CYSLTR2: variants seen among roughly 807,000 people sequenced by gnomAD.
CYSLTR2 encodes the protein cysteinyl leukotriene receptor 2, also known as G-protein coupled receptor GPCR21.
For synonymous variants in CYSLTR2, 179 were observed against 160.8 expected, an observed-to-expected ratio of 1.11 and a Z score of -0.86; for missense variants, 398 against 411.9, an observed-to-expected ratio of 0.97 and a Z score of 0.29.
intron 1 of CYSLTR2, among the ~76,000 whole-genome samples, chr13:48,656,422 A>G (rs1018782587): frequency 2.0e-5 from 3 of 152,160 alleles, no homozygotes; most frequent in Non-Finnish European, 2.9e-5. Context: ...TTTTTCATCA[A>G]TACTCACTCC....
chr13:48,682,731 T>C (rs1953789615), intron 1 of CYSLTR2, among the ~76,000 whole-genome samples: 1 of 152,202 alleles, frequency 6.6e-6, no homozygotes, highest in Non-Finnish European at 1.5e-5. Flanking sequence ...TAATTTTTTT[T>C]ACCTTTTATT....
chr13:48,668,386 G>A (rs1465025826), intron 1 of CYSLTR2, among the ~76,000 whole-genome samples: 1 of 152,116 alleles, frequency 6.6e-6, no homozygotes, highest in Admixed American at 6.6e-5. Flanking sequence ...GGGCAGGTTA[G>A]AGATCAGAGA....
At chr13:48,702,228 G>A (rs1036200128) in intron 4 of CYSLTR2, among the ~76,000 whole-genome samples, 5 of 144,570 alleles carry the variant, frequency 3.5e-5, no homozygotes, top group Non-Finnish European at 7.5e-5. Context: ...CTTGGACACA[G>A]GGTGGGGAAC....
intron 1 of CYSLTR2, among the ~76,000 whole-genome samples, chr13:48,660,479 C>T (rs1207676881): frequency 3.3e-5 from 5 of 152,082 alleles, no homozygotes; most frequent in East Asian, 1.9e-4. Flanking sequence ...TGTGGGTGAC[C>T]GGGTAGAGGA....
At position 48,678,795 on chromosome 13, in the gene CYSLTR2, C is replaced by T. The variant is rs1388710568; in HGVS notation, c.-265-12417C>T. Among the ~76,000 whole-genome samples, 4 of 152,062 alleles carry T rather than the reference C, an allele frequency of 2.6e-5. No individual in the cohort carries two copies. The South Asian group carries it at 8.3e-4, about 32-fold the overall frequency. On this transcript the variant is annotated intron_variant, in intron 1 of 4. Coordinates refer to ENST00000682523, the MANE Select transcript of CYSLTR2 (RefSeq NM_001308476.3). ...AACCTTGACTTCCCTTTTCCCTGAC[C>T]CTCTATATTTAGTCCATCCACAGTC...
At chr13:48,663,973 T>C (rs1953195034) in intron 1 of CYSLTR2, among the ~76,000 whole-genome samples, 2 of 152,206 alleles carry the variant, frequency 1.3e-5, no homozygotes, top group African/African-American at 2.4e-5. Context: ...TTGTCACATG[T>C]GGCCTTTGTT....
chr13:48,673,943 A>G (rs1953523258), intron 1 of CYSLTR2, among the ~76,000 whole-genome samples: 1 of 152,152 alleles, frequency 6.6e-6, no homozygotes, highest in Non-Finnish European at 1.5e-5. Context: ...AATGTTGAAT[A>G]TTGGCCCCCA....
Position 48,707,111 on chromosome 13 carries a change from T to C in CYSLTR2, c.294T>C (p.Tyr98=), listed in dbSNP as rs1214143720. Residue 98 remains tyrosine, a synonymous_variant, in exon 5 of 5, where the codon TAT becomes TAC. Transcript: ENST00000682523. ...ISTLPFRADY[Y]LRGSNWIFGD... ...CGCTTCCCTTCAGGGCTGACTATTA[T>C]CTTAGAGGCTCCAATTGGATATTTG... 6.2e-7 allele frequency: 1 copy of C among 1,614,202 alleles called. No homozygotes were observed. The highest frequency in any genetic ancestry group is 8.5e-7 in the Non-Finnish European group (1 of 1,180,038).
intron 1 of CYSLTR2, among the ~76,000 whole-genome samples, chr13:48,656,864 A>T (rs1457374166): frequency 6.6e-6 from 1 of 152,232 alleles, no homozygotes; most frequent in Non-Finnish European, 1.5e-5. Flanking sequence ...ATTGGATAAT[A>T]CAAAGAAAGG....
intron 1 of CYSLTR2, among the ~76,000 whole-genome samples, chr13:48,688,470 A>G (rs1953952886): frequency 6.6e-6 from 1 of 152,120 alleles, no homozygotes; most frequent in South Asian, 2.1e-4. Flanking sequence ...GTGTGTTCTC[A>G]TTATTCAACT....
At chr13:48,680,800 C>CTTTTTTTTTTTTTTTT (rs139896583) in intron 1 of CYSLTR2, among the ~76,000 whole-genome samples, 47 of 55,026 alleles carry the variant, frequency 8.5e-4, no homozygotes, top group Non-Finnish European at 1.3e-3. Flanking sequence ...CTTTTCTTTT[C>CTTTTTTTTTTTTTTTT]TTTTTTTTTT....
intron 1 of CYSLTR2, among the ~76,000 whole-genome samples, chr13:48,669,920 C>T (rs1953376478): frequency 1.3e-5 from 2 of 152,208 alleles, no homozygotes; most frequent in Non-Finnish European, 2.9e-5. Context: ...CCTATTTCTC[C>T]ATATCCTCTC....
At chr13:48,671,307 T>A (rs1953423304) in intron 1 of CYSLTR2, among the ~76,000 whole-genome samples, 1 of 152,184 alleles carries the variant, frequency 6.6e-6, no homozygotes, top group African/African-American at 2.4e-5. Context: ...GAATTTCCAA[T>A]ACTATGTTGA....
intron 1 of CYSLTR2, among the ~76,000 whole-genome samples, chr13:48,665,633 C>T (rs1246541243): frequency 6.6e-6 from 1 of 152,046 alleles, no homozygotes; most frequent in Non-Finnish European, 1.5e-5. Flanking sequence ...TATTCCTGCT[C>T]ACTTTTGATT....
chr13:48,690,295 T>C (rs1174482559), intron 1 of CYSLTR2, among the ~76,000 whole-genome samples: 2 of 152,150 alleles, frequency 1.3e-5, no homozygotes, highest in South Asian at 4.1e-4. Context: ...CTATGTTGAA[T>C]AGGAGTGGTG....
chr13:48,672,283 T>C (rs551208284), intron 1 of CYSLTR2, among the ~76,000 whole-genome samples: 6 of 152,286 alleles, frequency 3.9e-5, no homozygotes, highest in Non-Finnish European at 8.8e-5. Flanking sequence ...TCTCTTTCAG[T>C]TCTGCTCTGA....
rs61735167 is a variant in CYSLTR2, at chr13:48,707,761, G to C, written c.944G>C (p.Arg315Thr). Residue 315 changes from arginine to threonine, a missense_variant, in exon 5 of 5, where the codon AGA (arginine) becomes ACA (threonine). Coordinates refer to ENST00000682523, the MANE Select transcript of CYSLTR2 (RefSeq NM_001308476.3). The part of the protein sequence containing the change: ...YYFAGENFKD[R>T]LKSALRKGHP... ...TTTGCTGGGGAGAATTTTAAGGACA[G>C]ACTAAAGTCTGCACTCAGAAAAGGC... 6 of 1,599,200 alleles carry C rather than the reference G, an allele frequency of 3.8e-6. No individual in the cohort carries two copies. In the African/African-American group the frequency reaches 6.7e-5, roughly 18 times the overall value.
intron 1 of CYSLTR2, among the ~76,000 whole-genome samples, chr13:48,674,491 T>G (rs187259498): frequency 1.8e-4 from 28 of 152,366 alleles, no homozygotes; most frequent in Admixed American, 8.5e-4. Flanking sequence ...TGTTCTGCTC[T>G]AAACTGGTTA....
chr13:48,665,133 G>C (rs1202159148), intron 1 of CYSLTR2, among the ~76,000 whole-genome samples: 1 of 151,928 alleles, frequency 6.6e-6, no homozygotes, highest in Non-Finnish European at 1.5e-5. Context: ...TGTTCCCCTT[G>C]TTATTGCTAT....
Sources: allele counts gnomAD v4.1 joint callset (sites outside exome capture counted in the v4.1 genomes callset), GRCh38; gene constraint gnomAD v4.1.1; transcripts MANE v1.5; gene names NCBI Gene and HGNC (gene_info 2026-07-23, HGNC 2026-07-21).